ANKS1B: variants seen among roughly 807,000 people sequenced by gnomAD.
The protein encoded by ANKS1B is ankyrin repeat and sterile alpha motif domain-containing protein 1B.
ANKS1B carries 36 observed loss-of-function variants against 148.3 expected under a neutral mutation model. The observed-to-expected ratio is 0.24, with a 90% CI of 0.19 to 0.32. The LOEUF (loss-of-function observed/expected upper bound fraction) is 0.32. Ranked by LOEUF, ANKS1B falls within the 10% of genes least tolerant of loss-of-function variation. ANKS1B has a pLI of 1.00. For synonymous variants in ANKS1B, 542 were observed against 560.8 expected (o/e 0.97, Z 0.47); for missense variants, 1,157 against 1,542.6 (o/e 0.75, Z 4.19).
intron 10 of ANKS1B, among the ~76,000 whole-genome samples, chr12:99,448,611 T>C (rs899403928): frequency 6.6e-6 from 1 of 152,182 alleles, no homozygotes; most frequent in African/African-American, 2.4e-5. Flanking sequence ...GTAATACATA[T>C]GCTAATCAGT....
chr12:98,887,284 G>T (rs576456132), intron 17 of ANKS1B, among the ~76,000 whole-genome samples: 1 of 152,146 alleles, frequency 6.6e-6, no homozygotes, highest in Admixed American at 6.5e-5. Flanking sequence ...TACTGTTAAC[G>T]CTAAGGAAGC....
At chr12:99,440,063 C>T (rs1180297047) in intron 11 of ANKS1B, among the ~76,000 whole-genome samples, 2 of 151,624 alleles carry the variant, frequency 1.3e-5, no homozygotes, top group Non-Finnish European at 3.0e-5. Context: ...CCATAGGATT[C>T]CATTTATATA....
chr12:99,264,020 T>C (rs2076190072), intron 12 of ANKS1B, among the ~76,000 whole-genome samples: 1 of 152,190 alleles, frequency 6.6e-6, no homozygotes, highest in South Asian at 2.1e-4. Flanking sequence ...CTAAAAATTC[T>C]ATATACAATT....
At chr12:99,703,714 T>C (rs2055253759) in intron 8 of ANKS1B, among the ~76,000 whole-genome samples, 1 of 152,150 alleles carries the variant, frequency 6.6e-6, no homozygotes, top group Admixed American at 6.6e-5. Context: ...TGTCTCATAA[T>C]TCTGTTTTAT....
chr12:99,189,436 A>G (rs2080334883), intron 14 of ANKS1B, among the ~76,000 whole-genome samples: 1 of 152,204 alleles, frequency 6.6e-6, no homozygotes, highest in African/African-American at 2.4e-5. Context: ...TCAATGCAAA[A>G]ATCCTCAATA....
chr12:99,348,823 C>G (rs1476396622), intron 12 of ANKS1B, among the ~76,000 whole-genome samples: 1 of 151,888 alleles, frequency 6.6e-6, no homozygotes, highest in Non-Finnish European at 1.5e-5. Flanking sequence ...CAAAAACACA[C>G]TAGACAACAA....
At chr12:98,764,936 T>C (rs2098460805) in intron 25 of ANKS1B, among the ~76,000 whole-genome samples, 1 of 152,216 alleles carries the variant, frequency 6.6e-6, no homozygotes, top group African/African-American at 2.4e-5. Flanking sequence ...AGAGCAGGGA[T>C]GTGTGTCTAA....
At chr12:99,516,771 GT>G (rs993864821) in intron 9 of ANKS1B, among the ~76,000 whole-genome samples, 2 of 151,758 alleles carry the variant, frequency 1.3e-5, no homozygotes, top group African/African-American at 2.4e-5. Flanking sequence ...AAAAAAGACT[GT>G]TTTTTTCCCA....
At chr12:99,919,927 C>T (rs7975619) in intron 1 of ANKS1B, among the ~76,000 whole-genome samples, 92,209 of 151,882 alleles carry the variant, frequency 0.61, 29,126 homozygotes, top group Middle Eastern at 0.7. Context: ...ACTTCATTTC[C>T]CTCTTTTTAC....
At chr12:99,530,523 CTT>C (rs1419318291) in intron 9 of ANKS1B, among the ~76,000 whole-genome samples, 3 of 152,172 alleles carry the variant, frequency 2.0e-5, no homozygotes, top group Admixed American at 6.5e-5. Context: ...AAGAATCTCA[CTT>C]TCCTTGCCCA....
intron 14 of ANKS1B, among the ~76,000 whole-genome samples, chr12:99,164,971 TC>T (rs2077056725): frequency 6.6e-6 from 1 of 152,062 alleles, no homozygotes; most frequent in South Asian, 2.1e-4. Flanking sequence ...GGTTTCTGTT[TC>T]CATTTGTTTG....
rs138085191 is a variant in ANKS1B at position 99,629,067 on chromosome 12, G to A, written c.1272+26000C>T. ...ATCTTATTGAAACACAGCTATGTCC[G>A]TTCATTTTCATATTATCTATGGCTC... On this transcript the variant is annotated intron_variant, in intron 9 of 26. Transcript: ENST00000683438. 3.3e-3 allele frequency among the ~76,000 whole-genome samples: 506 copies of A among 152,122 alleles called. 3 individuals are homozygous for A. Among genetic ancestry groups the A allele is most frequent in the Non-Finnish European group, 5.1e-3 (345 of 67,996 alleles).
At chr12:99,424,345 T>C (rs1232107281) in intron 11 of ANKS1B, among the ~76,000 whole-genome samples, 1 of 152,144 alleles carries the variant, frequency 6.6e-6, no homozygotes. Context: ...TGAAAGAGCA[T>C]GCTGCTTTTG....
intron 15 of ANKS1B, among the ~76,000 whole-genome samples, chr12:99,110,991 C>T (rs970327623): frequency 6.6e-6 from 1 of 152,182 alleles, no homozygotes; most frequent in African/African-American, 2.4e-5. Flanking sequence ...TTACACAAAC[C>T]ACTATCCATC....
chr12:99,762,307 A>G (rs2062205627), intron 8 of ANKS1B, among the ~76,000 whole-genome samples: 1 of 151,732 alleles, frequency 6.6e-6, no homozygotes, highest in South Asian at 2.1e-4. Context: ...ATACAGCTAC[A>G]ATAACAAATA....
chr12:99,701,631 T>G (rs2054839139), intron 8 of ANKS1B, among the ~76,000 whole-genome samples: 1 of 152,112 alleles, frequency 6.6e-6, no homozygotes, highest in Non-Finnish European at 1.5e-5. Flanking sequence ...CTAGATCTTA[T>G]TCATTGTATC....
At chr12:99,430,847 T>C (rs1270069395) in intron 11 of ANKS1B, among the ~76,000 whole-genome samples, 2 of 152,200 alleles carry the variant, frequency 1.3e-5, no homozygotes, top group Non-Finnish European at 2.9e-5. Context: ...CAGTAACATA[T>C]CTAGAATCAC....
chr12:99,616,343 AG>A (rs1318010860), intron 9 of ANKS1B, among the ~76,000 whole-genome samples: 2 of 152,208 alleles, frequency 1.3e-5, no homozygotes, highest in Non-Finnish European at 2.9e-5. Flanking sequence ...GACAATCCTA[AG>A]CAAAAAGAAC....
chr12:99,271,173 C>A (rs1280343505), intron 12 of ANKS1B, among the ~76,000 whole-genome samples: 1 of 152,176 alleles, frequency 6.6e-6, no homozygotes, highest in African/African-American at 2.4e-5. Flanking sequence ...TCATCACATT[C>A]TTTATGGCCT....
Sources: allele counts gnomAD v4.1 joint callset (sites outside exome capture counted in the v4.1 genomes callset), GRCh38; gene constraint gnomAD v4.1.1; transcripts MANE v1.5; gene names NCBI Gene and HGNC (gene_info 2026-07-23, HGNC 2026-07-21).